Variants in CCDC73 observed in about 807,000 individuals in gnomAD.
CCDC73 encodes coiled-coil domain containing 73.
A neutral mutation model predicts 116.5 loss-of-function variants in CCDC73; 95 were observed. The ratio of observed to expected loss-of-function variants is 0.82; its 90% confidence interval spans 0.69 to 0.97. The LOEUF (loss-of-function observed/expected upper bound fraction) is 0.97, where lower values mean the gene tolerates loss of function less well. Ranked by LOEUF, CCDC73 falls within the 50% of genes least tolerant of loss-of-function variation. The pLI, the probability that CCDC73 is intolerant of heterozygous loss-of-function variation, is 0.00. For missense variants in CCDC73, 1,066 were observed against 1,206.8 expected (o/e 0.88, Z 1.73); for synonymous variants, 398 against 401.3 (o/e 0.99, Z 0.10).
At chr11:32,820,368 T>G in the CCDC73 span, among the ~76,000 whole-genome samples, 1 of 151,970 alleles carries the variant, frequency 6.6e-6, no homozygotes, top group East Asian at 1.9e-4. Context: ...GTTGCCTAGG[T>G]TGGTCTCGAA....
intron 14 of CCDC73, among the ~76,000 whole-genome samples, chr11:32,626,888 CAA>C (rs1855579057): frequency 6.6e-6 from 1 of 152,158 alleles, no homozygotes; most frequent in Admixed American, 6.5e-5. Flanking sequence ...AAAGCCTAGG[CAA>C]TACCATTCAG....
intron 13 of CCDC73, among the ~76,000 whole-genome samples, chr11:32,638,598 C>G (rs936576595): frequency 6.6e-6 from 1 of 152,060 alleles, no homozygotes; most frequent in African/African-American, 2.4e-5. Context: ...CCTGCCTCAG[C>G]CTCCCGAGTA....
rs368124789 is a variant in CCDC73, at chr11:32,777,814, A to AT, written c.-16+16798dup. On this transcript the variant is annotated intron_variant, in intron 1 of 17. Coordinates refer to ENST00000335185, the MANE Select transcript of CCDC73 (RefSeq NM_001008391.4). ...GAAGTTTGCTACATTTGTATTTGTG[A>AT]TTTTTATTAATAAAGAAGGCTAAAA... Among the ~76,000 whole-genome samples, 50 of 152,230 alleles carry AT rather than the reference A, an allele frequency of 3.3e-4. 1 individual carries two copies. In the East Asian group the frequency reaches 9.5e-3, roughly 29 times the overall value.
chr11:32,798,797 T>A (rs1424987301), upstream of CCDC73, among the ~76,000 whole-genome samples: 1 of 152,174 alleles, frequency 6.6e-6, no homozygotes, highest in East Asian at 1.9e-4. Context: ...CTGTCCCCAT[T>A]TTCCCCTCTT....
At chr11:32,721,533 CAA>C (rs1467237492) in intron 2 of CCDC73, among the ~76,000 whole-genome samples, 2 of 151,668 alleles carry the variant, frequency 1.3e-5, no homozygotes, top group African/African-American at 2.4e-5. Flanking sequence ...GGAGAGAAAC[CAA>C]AGAGTAGATA....
chr11:32,794,774 C>A (rs368132066), upstream of CCDC73: 1 of 152,190 alleles, frequency 6.6e-6, no homozygotes, highest in East Asian at 1.9e-4. Context: ...ATACAAGCTT[C>A]GGAAAAGATA....
intron 14 of CCDC73, among the ~76,000 whole-genome samples, chr11:32,634,245 C>T (rs974181691): frequency 2.0e-5 from 3 of 152,100 alleles, no homozygotes; most frequent in Non-Finnish European, 4.4e-5. Flanking sequence ...TTACATTCCT[C>T]ATCAATACAA....
At chr11:32,745,745 G>GTTTTTTTTTT in intron 2 of CCDC73, among the ~76,000 whole-genome samples, 1 of 113,914 alleles carries the variant, frequency 8.8e-6, no homozygotes, top group Non-Finnish European at 1.8e-5. Context: ...GTTTGTTTTG[G>GTTTTTTTTTT]TTTTTTTTTT....
chr11:32,781,512 G>A (rs1850584762), intron 1 of CCDC73, among the ~76,000 whole-genome samples: 1 of 152,286 alleles, frequency 6.6e-6, no homozygotes, highest in South Asian at 2.1e-4. Flanking sequence ...TGAAGGTAAA[G>A]GTGAAGCCAA....
At chr11:32,687,039 C>T (rs1464221665) in intron 6 of CCDC73, among the ~76,000 whole-genome samples, 2 of 152,172 alleles carry the variant, frequency 1.3e-5, no homozygotes, top group African/African-American at 4.8e-5. Flanking sequence ...CTGAAAAGCA[C>T]ACCGCTTTAG....
chr11:32,677,951 A>G (rs1856104323), intron 7 of CCDC73, among the ~76,000 whole-genome samples: 1 of 64,414 alleles, frequency 1.6e-5, no homozygotes, highest in African/African-American at 5.5e-5. Context: ...GCAAGATTCC[A>G]TCTCAAAAAA....
chr11:32,644,750 G>T (rs1190597547), intron 12 of CCDC73, among the ~76,000 whole-genome samples: 1 of 152,142 alleles, frequency 6.6e-6, no homozygotes, highest in African/African-American at 2.4e-5. Context: ...GGGCCACTTT[G>T]CAGCACCCCT....
chr11:32,729,729 T>G (rs1288263402), intron 2 of CCDC73, among the ~76,000 whole-genome samples: 1 of 152,236 alleles, frequency 6.6e-6, no homozygotes, highest in Non-Finnish European at 1.5e-5. Context: ...CTAACTGGCA[T>G]GAGGTATCTC....
At chr11:32,800,268 CTTA>C in the CCDC73 span, among the ~76,000 whole-genome samples, 1 of 151,832 alleles carries the variant, frequency 6.6e-6, no homozygotes, top group African/African-American at 2.4e-5. Flanking sequence ...TTTATGTGAA[CTTA>C]TTATTTATTT....
chr11:32,790,254 A>G (rs1257870829), intron 1 of CCDC73, among the ~76,000 whole-genome samples: 1 of 152,214 alleles, frequency 6.6e-6, no homozygotes, highest in Non-Finnish European at 1.5e-5. Flanking sequence ...ATATTTTAAA[A>G]TCAGATCAAA....
At chr11:32,728,688 C>A (rs1372864192) in intron 2 of CCDC73, among the ~76,000 whole-genome samples, 1 of 150,512 alleles carries the variant, frequency 6.6e-6, no homozygotes, top group African/African-American at 2.4e-5. Flanking sequence ...CTGATATTTC[C>A]AATTCTGTTT....
At chr11:32,742,708 T>A (rs1850199181) in intron 2 of CCDC73, among the ~76,000 whole-genome samples, 1 of 152,204 alleles carries the variant, frequency 6.6e-6, no homozygotes, top group Non-Finnish European at 1.5e-5. Flanking sequence ...GCTTTTCGTG[T>A]TTTAGACATA....
rs1850521566 is a variant in CCDC73 at position 32,775,016 on chromosome 11, A to G, written c.-15-14758T>C. Among the ~76,000 whole-genome samples, 4 of 152,340 alleles carry G rather than the reference A, an allele frequency of 2.6e-5. No individual in the cohort carries two copies. In the South Asian group the frequency reaches 8.3e-4, roughly 32 times the overall value. ...ATCTAGGCCTTAAATATTCTCTGACAAAAAATATGAGGAAAAAATAACATT... is the reference window on the plus strand; with the variant it reads ...ATCTAGGCCTTAAATATTCTCTGACGAAAAATATGAGGAAAAAATAACATT... On this transcript the variant is annotated intron_variant, in intron 1 of 17. Coordinates refer to ENST00000335185, the MANE Select transcript of CCDC73 (RefSeq NM_001008391.4).
intron 9 of CCDC73, among the ~76,000 whole-genome samples, chr11:32,674,382 C>T (rs1037627811): frequency 1.3e-5 from 2 of 152,106 alleles, no homozygotes; most frequent in East Asian, 1.9e-4. Flanking sequence ...ACAGAAAGAA[C>T]AAAGCCTTAC....
Sources: gnomAD v4.1 joint callset for allele counts (sites outside exome capture counted in the v4.1 genomes callset) on GRCh38, gnomAD v4.1.1 for gene constraint, MANE v1.5 for transcripts, NCBI Gene and HGNC (gene_info 2026-07-23, HGNC 2026-07-21) for gene names.